Variants in HIVEP1 observed in about 807,000 individuals in gnomAD.
The protein encoded by HIVEP1 is zinc finger protein 40.
HIVEP1 carries 36 observed loss-of-function variants against 180.0 expected under a neutral mutation model. The observed-to-expected ratio is 0.20, with a 90% CI of 0.15 to 0.26. The LOEUF (loss-of-function observed/expected upper bound fraction) is 0.26, where lower values mean the gene tolerates loss of function less well. Among genes scored for constraint, HIVEP1 ranks in the 10% least tolerant of loss-of-function variants. The pLI, the probability that HIVEP1 is intolerant of heterozygous loss-of-function variation, is 1.00. For synonymous variants in HIVEP1, 1,239 were observed against 1,239.0 expected, an observed-to-expected ratio of 1.00 and a Z score of 0.00; for missense variants, 3,143 against 3,268.7, an observed-to-expected ratio of 0.96 and a Z score of 0.94.
the HIVEP1 span, among the ~76,000 whole-genome samples, chr6:12,176,114 A>G: frequency 6.6e-6 from 1 of 152,108 alleles, no homozygotes; most frequent in Non-Finnish European, 1.5e-5. Flanking sequence ...CCTCCAGGTT[A>G]CTCACAACTG....
intron 2 of HIVEP1, among the ~76,000 whole-genome samples, chr6:12,072,422 C>A (rs553623509): frequency 2.0e-5 from 3 of 152,202 alleles, no homozygotes; most frequent in African/African-American, 7.2e-5. Context: ...CTTTCCTCAT[C>A]TCTATTCCTG....
At chr6:12,118,027 G>A (rs1469094827) in intron 3 of HIVEP1, among the ~76,000 whole-genome samples, 2 of 152,266 alleles carry the variant, frequency 1.3e-5, no homozygotes, top group African/African-American at 4.8e-5. Flanking sequence ...TTTCATGAGT[G>A]AGTGGATTGG....
chr6:12,151,343 T>C (rs760629363), intron 7 of HIVEP1, among the ~76,000 whole-genome samples: 1 of 152,206 alleles, frequency 6.6e-6, no homozygotes, highest in Non-Finnish European at 1.5e-5. Context: ...TAAGCAAATA[T>C]AGATTCCTTA....
At chr6:12,156,745 GTTTATTTTGTAGC>G (rs1258944925) in intron 7 of HIVEP1, among the ~76,000 whole-genome samples, 1 of 152,088 alleles carries the variant, frequency 6.6e-6, no homozygotes, top group East Asian at 1.9e-4. Flanking sequence ...AATAGTTGAG[GTTTATTTTGTAGC>G]TCAGAATATG....
chr6:12,061,906 T>C (rs540097273), intron 2 of HIVEP1, among the ~76,000 whole-genome samples: 1 of 152,294 alleles, frequency 6.6e-6, no homozygotes, highest in Non-Finnish European at 1.5e-5. Context: ...TTACCAAATA[T>C]AAAGAAACTT....
At chr6:12,162,026 T>A in intron 8 of HIVEP1, 97 bp downstream of exon 8, 1 of 1,125,688 alleles carries the variant, frequency 8.9e-7, no homozygotes, top group Non-Finnish European at 1.3e-6. Context: ...ACTTAAGTGA[T>A]TTTTTTAGGC....
chr6:12,030,640 A>T (rs906191184), intron 2 of HIVEP1, among the ~76,000 whole-genome samples: 11 of 152,138 alleles, frequency 7.2e-5, no homozygotes, highest in African/African-American at 2.4e-4. Context: ...TTTTAAAATA[A>T]TTTCTATCAC....
At chr6:12,023,656 T>TC (rs1371813373) in intron 2 of HIVEP1, among the ~76,000 whole-genome samples, 2 of 89,064 alleles carry the variant, frequency 2.2e-5, no homozygotes, top group Non-Finnish European at 3.2e-5. Flanking sequence ...GCAAGCCTCC[T>TC]TTTTTTTTGC....
At chr6:12,189,201 AT>A in the HIVEP1 span, among the ~76,000 whole-genome samples, 6 of 151,974 alleles carry the variant, frequency 3.9e-5, no homozygotes, top group Non-Finnish European at 5.9e-5. Flanking sequence ...AATATTTAAT[AT>A]TTTTTAAATG....
the HIVEP1 span, among the ~76,000 whole-genome samples, chr6:12,181,589 T>C: frequency 6.6e-6 from 1 of 151,980 alleles, no homozygotes; most frequent in Non-Finnish European, 1.5e-5. Context: ...TAACTTGGCT[T>C]ATAAACTCTA....
intron 2 of HIVEP1, among the ~76,000 whole-genome samples, chr6:12,053,088 A>T (rs745937017): frequency 8.5e-5 from 13 of 152,316 alleles, no homozygotes; most frequent in South Asian, 2.1e-4. Context: ...AGATCGGAAG[A>T]CTTTCTGAGC....
chr6:12,124,588 C>T lies in HIVEP1; in HGVS notation c.4793C>T (p.Ser1598Leu). The change falls in exon 4 of 9, where the codon TCA (serine) becomes TTA (leucine). Residue 1598 changes from serine to leucine, a missense_variant. Coordinates refer to ENST00000379388, the MANE Select transcript of HIVEP1 (RefSeq NM_002114.4). The stretch of plus-strand genomic sequence containing the variant: ...GTTGGAACAGATCATTGTGTGACAT[C>T]AGCAACATTACCAACCAAATTAATT... ...DPVGTDHCVTSATLPTKLIDS... is the reference protein window; with the variant it reads ...DPVGTDHCVTLATLPTKLIDS... 6.2e-7 allele frequency: 1 copy of T among 1,614,082 alleles called. No individual in the cohort carries two copies. Among genetic ancestry groups the T allele is most frequent in the Non-Finnish European group, 8.5e-7 (1 of 1,179,990 alleles).
chr6:12,202,213 G>A, the HIVEP1 span, among the ~76,000 whole-genome samples: 1 of 151,966 alleles, frequency 6.6e-6, no homozygotes, highest in African/African-American at 2.4e-5. Context: ...GGAGTGCGGT[G>A]GTGCGATCAC....
At chr6:12,055,301 C>G (rs1192910476) in intron 2 of HIVEP1, among the ~76,000 whole-genome samples, 1 of 151,988 alleles carries the variant, frequency 6.6e-6, no homozygotes, top group African/African-American at 2.4e-5. Flanking sequence ...GGTGAAACTC[C>G]GTCTCTACTA....
rs778516594 is a variant in HIVEP1, at chr6:12,120,653, A to G, written c.858A>G (p.Gln286=). 1 of 1,614,224 alleles carries G rather than the reference A, an allele frequency of 6.2e-7. No individual in the cohort carries two copies. The highest frequency in any genetic ancestry group is 1.1e-5 in the South Asian group (1 of 91,078). Residue 286 remains glutamine (Q), a synonymous_variant, in exon 4 of 9, where the codon CAA becomes CAG. Coordinates refer to ENST00000379388, the MANE Select transcript of HIVEP1 (RefSeq NM_002114.4). ...AMQSASHLYH[Q]HEHFVPKSNQ... ...AGTCAGCTTCTCATTTGTATCATCA[A>G]CATGAACACTTTGTTCCCAAATCCA...
chr6:12,012,160 G>A (rs1767373511), upstream of HIVEP1: 1 of 140,498 alleles, frequency 7.1e-6, no homozygotes, highest in Non-Finnish European at 1.6e-5. Flanking sequence ...CGGCTCCCTG[G>A]CGGCCGCGAT....
the HIVEP1 span, among the ~76,000 whole-genome samples, chr6:12,194,257 TG>T: frequency 6.6e-6 from 1 of 152,188 alleles, no homozygotes; most frequent in Non-Finnish European, 1.5e-5. Flanking sequence ...ATTGGATATG[TG>T]GCTACCATTG....
At chr6:12,094,542 T>G (rs1051502285) in intron 3 of HIVEP1, among the ~76,000 whole-genome samples, 4 of 152,030 alleles carry the variant, frequency 2.6e-5, no homozygotes, top group African/African-American at 9.7e-5. Context: ...TAAATGGATT[T>G]TTATTTTTAT....
chr6:12,044,564 G>A (rs75772242), intron 2 of HIVEP1, among the ~76,000 whole-genome samples: 1 of 140,564 alleles, frequency 7.1e-6, no homozygotes, highest in African/African-American at 2.7e-5. Flanking sequence ...GGCTCACTGT[G>A]CCCCCCTCAA....
Sources: gnomAD v4.1 joint callset for allele counts (sites outside exome capture counted in the v4.1 genomes callset) on GRCh38, gnomAD v4.1.1 for gene constraint, MANE v1.5 for transcripts, NCBI Gene and HGNC (gene_info 2026-07-23, HGNC 2026-07-21) for gene names.